The following DNAH17 variants were observed in gnomAD, a reference collection of about 807,000 sequenced individuals.
DNAH17 encodes axonemal beta dynein heavy chain 17.
A neutral mutation model predicts 485.6 loss-of-function variants in DNAH17; 376 were observed. The observed-to-expected ratio is 0.77, with a 90% CI of 0.71 to 0.84. DNAH17 has a LOEUF of 0.84. Among genes scored for constraint, DNAH17 ranks in the 40% least tolerant of loss-of-function variants. The probability of loss-of-function intolerance (pLI) is 0.00; values close to 1 mark genes in which losing one functional copy is unlikely to be tolerated. For missense variants in DNAH17, 6,370 were observed against 5,839.3 expected (o/e 1.09, Z -2.96); for synonymous variants, 3,031 against 2,405.9 (o/e 1.26, Z -7.60).
At chr17:78,561,381 GC>G (rs2143651447) in intron 12 of DNAH17, among the ~76,000 whole-genome samples, 1 of 152,098 alleles carries the variant, frequency 6.6e-6, no homozygotes, top group African/African-American at 2.4e-5. Flanking sequence ...AGCCTCCCCG[GC>G]CCCTGGCTGT....
intron 3 of DNAH17, 85 bp downstream of exon 3, chr17:78,572,616 T>A: frequency 4.6e-6 from 5 of 1,079,810 alleles, no homozygotes; most frequent in Non-Finnish European, 6.1e-6. Flanking sequence ...CGGGTCGGAG[T>A]GGGGTGGAGT....
At chr17:78,457,092 C>T (rs761460323) in intron 62 of DNAH17, among the ~76,000 whole-genome samples, 4 of 152,190 alleles carry the variant, frequency 2.6e-5, no homozygotes, top group African/African-American at 4.8e-5. Context: ...ATGAAGGGGC[C>T]GGGCGTGGTG....
rs2088011757 is a variant in DNAH17 at position 78,459,937 on chromosome 17, G to A, written c.9500C>T (p.Ala3167Val). ...CCCAGGTGCGGTCAGAATCATGACGGCGGCGGTGACGTTGACCACAGCATC... is the reference window on the plus strand; with the variant it reads ...CCCAGGTGCGGTCAGAATCATGACGACGGCGGTGACGTTGACCACAGCATC... ...PPDAVVNVTA[A>V]VMILTAPGGK... Residue 3167 changes from alanine (A) to valine (V), a missense_variant, in exon 60 of 81, where the codon GCC (alanine) becomes GTC (valine). Ala to Val is a moderately conservative substitution (Grantham distance 64). Transcript: ENST00000389840. 6.2e-7 allele frequency: 1 copy of A among 1,613,826 alleles called. No homozygotes were observed. The highest frequency in any genetic ancestry group is 1.1e-5 in the South Asian group (1 of 91,084).
intron 52 of DNAH17, 126 bp downstream of exon 52, chr17:78,476,446 A>G: frequency 8.7e-7 from 1 of 1,155,654 alleles, no homozygotes; most frequent in Middle Eastern, 2.8e-4. Flanking sequence ...CGTGGAACCT[A>G]ACACGGATCT....
chr17:78,441,327 G>C, intron 71 of DNAH17, 128 bp from the exon 72 acceptor site: 2 of 1,027,994 alleles, frequency 1.9e-6, no homozygotes, highest in Non-Finnish European at 2.8e-6. Context: ...GACAAGGCCT[G>C]TGGCAGGAGA....
At chr17:78,437,573 G>A in intron 74 of DNAH17, 68 bp downstream of exon 74, 3 of 1,367,222 alleles carry the variant, frequency 2.2e-6, no homozygotes, top group Non-Finnish European at 3.0e-6. Flanking sequence ...TGGTCCTCGG[G>A]GCCCCAAGGG....
At chr17:78,548,844 G>C (rs933289694) in intron 16 of DNAH17, among the ~76,000 whole-genome samples, 1 of 152,232 alleles carries the variant, frequency 6.6e-6, no homozygotes, top group East Asian at 1.9e-4. Context: ...CGGCATCTGA[G>C]GGCATGTGCC....
chr17:78,518,331 G>A (rs1362738529), intron 25 of DNAH17, among the ~76,000 whole-genome samples: 1 of 151,980 alleles, frequency 6.6e-6, no homozygotes, highest in African/African-American at 2.4e-5. Context: ...AAAAACAATA[G>A]AAAAAACAGA....
chr17:78,560,014 C>G lies in DNAH17; in HGVS notation c.2031+726G>C, dbSNP rs532189820. On this transcript the variant is annotated intron_variant, in intron 13 of 80. Coordinates refer to ENST00000389840, the MANE Select transcript of DNAH17 (RefSeq NM_173628.4). ...CTACCGGCTCTATTGATCTTCTTAA[C>G]CTGCCCTTCCTGCTCTTCCTTCCGC... Among the ~76,000 whole-genome samples the G allele has an allele frequency of 1.3e-4, 20 of 152,282 alleles. 1 individual carries two copies. The highest frequency in any genetic ancestry group is 2.1e-4 in the Non-Finnish European group (14 of 68,034).
chr17:78,523,043 CAG>C (rs1012695010), intron 25 of DNAH17, among the ~76,000 whole-genome samples: 12 of 152,116 alleles, frequency 7.9e-5, no homozygotes, highest in Non-Finnish European at 1.3e-4. Context: ...TTAGTAGAAA[CAG>C]GGGTCTTGCT....
chr17:78,576,423 G>A (rs1292296224), intron 1 of DNAH17, among the ~76,000 whole-genome samples: 4 of 152,232 alleles, frequency 2.6e-5, no homozygotes, highest in East Asian at 1.9e-4. Context: ...GGCGGTCCAC[G>A]AGCAAAGCCA....
At chr17:78,495,443 T>G (rs2090035572) in intron 38 of DNAH17, among the ~76,000 whole-genome samples, 1 of 150,638 alleles carries the variant, frequency 6.6e-6, no homozygotes, top group Non-Finnish European at 1.5e-5. Context: ...GAGTGTTTTT[T>G]TTTTTTTTTT....
intron 54 of DNAH17, chr17:78,472,774 C>T (rs183609711): frequency 6.6e-6 from 3 of 454,898 alleles, no homozygotes; most frequent in Admixed American, 2.4e-5. Flanking sequence ...TCTCCCTTCT[C>T]GTCGCACCTG....
intron 3 of DNAH17, among the ~76,000 whole-genome samples, chr17:78,572,392 G>A (rs941523220): frequency 1.3e-5 from 2 of 152,092 alleles, no homozygotes; most frequent in Non-Finnish European, 2.9e-5. Context: ...GCTGACAGGT[G>A]GGACACCTTC....
At chr17:78,471,692 C>T (rs568168133) in intron 54 of DNAH17, among the ~76,000 whole-genome samples, 1 of 152,288 alleles carries the variant, frequency 6.6e-6, no homozygotes, top group African/African-American at 2.4e-5. Context: ...CCGCTCCCGG[C>T]CCGTCTGGCT....
At chr17:78,570,568 A>G (rs2092337266) in intron 6 of DNAH17, among the ~76,000 whole-genome samples, 196 bp from the exon 7 acceptor site, 1 of 152,040 alleles carries the variant, frequency 6.6e-6, no homozygotes, top group Admixed American at 6.6e-5. Flanking sequence ...CCTTGAAGAA[A>G]CAAGACCCAG....
chr17:78,437,885 A>C lies in DNAH17; in HGVS notation c.11806-17T>G, dbSNP rs768531222. On this transcript the variant is annotated splice_polypyrimidine_tract_variant and intron_variant, in intron 73 of 80. Transcript: ENST00000389840. ...GTGGATATTCTGCAGCCAAGACTAG[A>C]GGCTGGTTACACACTTTGCCCAGCT... 1.3e-6 allele frequency: 2 copies of C among 1,590,104 alleles called. No homozygotes were observed. Among genetic ancestry groups the C allele is most frequent in the Admixed American group, 3.4e-5 (2 of 59,204 alleles).
At chr17:78,523,177 A>C (rs1419114612) in intron 25 of DNAH17, among the ~76,000 whole-genome samples, 1 of 142,500 alleles carries the variant, frequency 7.0e-6, no homozygotes, top group Non-Finnish European at 1.5e-5. Flanking sequence ...TTTATTTGAG[A>C]TGGAGTCTCA....
At chr17:78,437,431 A>C (rs1398962174) in intron 74 of DNAH17, among the ~76,000 whole-genome samples, 1 of 152,248 alleles carries the variant, frequency 6.6e-6, no homozygotes, top group Non-Finnish European at 1.5e-5. Context: ...TTAAGTAATA[A>C]ATAGTGCCAG....
Sources: allele counts gnomAD v4.1 joint callset (sites outside exome capture counted in the v4.1 genomes callset), GRCh38; gene constraint gnomAD v4.1.1; transcripts MANE v1.5; gene names NCBI Gene and HGNC (gene_info 2026-07-23, HGNC 2026-07-21).